The following KIAA0825 variants were observed in gnomAD, a reference collection of about 807,000 sequenced individuals.
KIAA0825 encodes the protein KIAA0825.
In KIAA0825, 119 loss-of-function variants were observed where a neutral mutation model predicts 147.6. That is an observed-to-expected ratio of 0.81 (90% CI 0.69 to 0.94). KIAA0825 has a LOEUF of 0.94. Among genes scored for constraint, KIAA0825 ranks in the 40% least tolerant of loss-of-function variants. The pLI, the probability that KIAA0825 is intolerant of heterozygous loss-of-function variation, is 0.00. For synonymous variants in KIAA0825, 470 were observed against 518.1 expected (o/e 0.91, Z 1.26); for missense variants, 1,381 against 1,472.7 (o/e 0.94, Z 1.02).
chr5:94,245,331 C>T (rs1775551202), intron 20 of KIAA0825, among the ~76,000 whole-genome samples: 1 of 152,134 alleles, frequency 6.6e-6, no homozygotes, highest in South Asian at 2.1e-4. Context: ...TAATAAATCC[C>T]TCAGCAAACA....
intron 15 of KIAA0825, among the ~76,000 whole-genome samples, chr5:94,407,397 A>G (rs1324087481): frequency 1.3e-5 from 2 of 152,242 alleles, no homozygotes; most frequent in Non-Finnish European, 2.9e-5. Context: ...TTGTACGCTA[A>G]TGTTCATACC....
At chr5:94,250,237 T>G (rs1054651941) in intron 20 of KIAA0825, among the ~76,000 whole-genome samples, 1 of 152,112 alleles carries the variant, frequency 6.6e-6, no homozygotes, top group African/African-American at 2.4e-5. Context: ...TAAACTTAAT[T>G]CTACTATGGC....
At chr5:94,376,830 A>T (rs948868888) in intron 20 of KIAA0825, among the ~76,000 whole-genome samples, 3 of 152,192 alleles carry the variant, frequency 2.0e-5, no homozygotes, top group African/African-American at 7.2e-5. Context: ...AATGACTAAG[A>T]GGTGTGTACT....
At chr5:94,492,748 C>T (rs1763883313) in intron 5 of KIAA0825, among the ~76,000 whole-genome samples, 1 of 152,176 alleles carries the variant, frequency 6.6e-6, no homozygotes, top group African/African-American at 2.4e-5. Flanking sequence ...ATGAGTTTCA[C>T]ATTAATTACT....
chr5:94,212,792 T>C (rs192977583), intron 20 of KIAA0825, among the ~76,000 whole-genome samples: 1 of 152,248 alleles, frequency 6.6e-6, no homozygotes, highest in East Asian at 1.9e-4. Context: ...GAGAAACAAA[T>C]CTGCTTTCTA....
chr5:94,380,111 C>T (rs1460702544), intron 20 of KIAA0825, among the ~76,000 whole-genome samples: 1 of 152,070 alleles, frequency 6.6e-6, no homozygotes, highest in East Asian at 1.9e-4. Flanking sequence ...CCTCAGCCTC[C>T]CAAAGTGCTG....
chr5:94,500,108 G>A (rs1764889038), intron 5 of KIAA0825, among the ~76,000 whole-genome samples: 1 of 152,154 alleles, frequency 6.6e-6, no homozygotes, highest in South Asian at 2.1e-4. Flanking sequence ...AAAAATATGA[G>A]GTGGGGAGAG....
intron 2 of KIAA0825, among the ~76,000 whole-genome samples, chr5:94,551,478 A>G (rs1160490576): frequency 6.6e-6 from 1 of 152,154 alleles, no homozygotes; most frequent in Non-Finnish European, 1.5e-5. Context: ...AAAAGCATTA[A>G]GTCATATTTA....
intron 20 of KIAA0825, among the ~76,000 whole-genome samples, chr5:94,337,885 C>T (rs1781974432): frequency 6.6e-6 from 1 of 152,120 alleles, no homozygotes; most frequent in Admixed American, 6.5e-5. Flanking sequence ...AAGAGAATAA[C>T]ATAATTAGAT....
intron 20 of KIAA0825, among the ~76,000 whole-genome samples, chr5:94,184,184 G>A (rs1769913549): frequency 6.6e-6 from 1 of 152,154 alleles, no homozygotes; most frequent in South Asian, 2.1e-4. Context: ...AGTGTCGCGA[G>A]TAGAGAAACG....
chr5:94,504,428 A>G (rs1267980297), intron 5 of KIAA0825, among the ~76,000 whole-genome samples: 1 of 151,808 alleles, frequency 6.6e-6, no homozygotes. Flanking sequence ...AATGCTTGGA[A>G]CTCCCTTGAA....
chr5:94,178,891 A>G (rs575892176), intron 20 of KIAA0825, among the ~76,000 whole-genome samples: 53 of 152,264 alleles, frequency 3.5e-4, no homozygotes, highest in Admixed American at 1.4e-3. Context: ...ATAACCAGAA[A>G]TTGTAGACAA....
chr5:94,199,365 C>T (rs543098720), intron 20 of KIAA0825, among the ~76,000 whole-genome samples: 1 of 152,318 alleles, frequency 6.6e-6, no homozygotes, highest in East Asian at 1.9e-4. Flanking sequence ...AGGGACCAGG[C>T]CCTTGGCTTT....
intron 5 of KIAA0825, among the ~76,000 whole-genome samples, chr5:94,486,036 G>A (rs564021513): frequency 5.3e-5 from 8 of 151,822 alleles, no homozygotes; most frequent in African/African-American, 1.9e-4. Context: ...TTAAGAGTAT[G>A]GAGAATAATT....
intron 20 of KIAA0825, among the ~76,000 whole-genome samples, chr5:94,383,960 T>C (rs1022627714): frequency 1.3e-5 from 2 of 152,162 alleles, no homozygotes; most frequent in African/African-American, 4.8e-5. Context: ...TGGCTTGGCA[T>C]TTTATACGCA....
chr5:94,247,048 A>C (rs1003978797), intron 20 of KIAA0825, among the ~76,000 whole-genome samples: 35 of 152,164 alleles, frequency 2.3e-4, no homozygotes, highest in African/African-American at 7.7e-4. Context: ...ATAAATAAGA[A>C]AGTTCATTCT....
At chr5:94,330,946 C>G (rs1388935457) in intron 20 of KIAA0825, among the ~76,000 whole-genome samples, 3 of 151,912 alleles carry the variant, frequency 2.0e-5, no homozygotes. Flanking sequence ...AACACCCTGG[C>G]CAACATTGTG....
chr5:94,577,074 T>G (rs1006945768), intron 2 of KIAA0825, among the ~76,000 whole-genome samples: 5 of 152,230 alleles, frequency 3.3e-5, no homozygotes, highest in Non-Finnish European at 7.3e-5. Flanking sequence ...ATTCTATTGC[T>G]TTTCATTTTT....
At chr5:94,193,010 T>C (rs534204298) in intron 20 of KIAA0825, among the ~76,000 whole-genome samples, 2 of 152,218 alleles carry the variant, frequency 1.3e-5, no homozygotes, top group Non-Finnish European at 2.9e-5. Context: ...CTAGCCTCAG[T>C]TGATTACATT....
Sources: gnomAD v4.1 joint callset for allele counts (sites outside exome capture counted in the v4.1 genomes callset) on GRCh38, gnomAD v4.1.1 for gene constraint, MANE v1.5 for transcripts, NCBI Gene and HGNC (gene_info 2026-07-23, HGNC 2026-07-21) for gene names.